RALYL: variants seen among roughly 807,000 people sequenced by gnomAD.
RALYL encodes the protein RALY RNA binding protein like, also known as RNA-binding Raly-like protein.
A neutral mutation model predicts 35.1 loss-of-function variants in RALYL; 29 were observed. The observed-to-expected ratio is 0.83, with a 90% CI of 0.61 to 1.13. The LOEUF (loss-of-function observed/expected upper bound fraction) is 1.13. Among genes scored for constraint, RALYL ranks in the 50% most tolerant of loss-of-function variants. The probability of loss-of-function intolerance (pLI) is 0.00; values close to 1 mark genes in which losing one functional copy is unlikely to be tolerated. For synonymous variants in RALYL, 120 were observed against 127.6 expected (o/e 0.94, Z 0.40); for missense variants, 359 against 360.4 (o/e 1.00, Z 0.03).
At chr8:84,363,620 G>C (rs1246114365) in intron 1 of RALYL, among the ~76,000 whole-genome samples, 1 of 152,156 alleles carries the variant, frequency 6.6e-6, no homozygotes, top group Non-Finnish European at 1.5e-5. Context: ...ATTCTTATAA[G>C]GGAGCATTGG....
At chr8:84,616,829 C>T (rs1819822980) in intron 2 of RALYL, among the ~76,000 whole-genome samples, 1 of 151,820 alleles carries the variant, frequency 6.6e-6, no homozygotes, top group Non-Finnish European at 1.5e-5. Context: ...GTTTTCCCAG[C>T]ACCATTTATT....
At chr8:84,523,878 T>G (rs896100201) in intron 1 of RALYL, among the ~76,000 whole-genome samples, 497 of 150,848 alleles carry the variant, frequency 3.3e-3, no homozygotes, top group African/African-American at 7.6e-3. Flanking sequence ...GTATTCCATG[T>G]TGTATATGTG....
chr8:84,916,782 A>T (rs1210402911), intron 8 of RALYL, among the ~76,000 whole-genome samples: 2 of 152,124 alleles, frequency 1.3e-5, no homozygotes, highest in African/African-American at 4.8e-5. Flanking sequence ...ATTATAATTT[A>T]TGTTAGTATA....
intron 1 of RALYL, among the ~76,000 whole-genome samples, chr8:84,210,103 A>G (rs1325855984): frequency 6.6e-6 from 1 of 152,128 alleles, no homozygotes; most frequent in East Asian, 1.9e-4. Context: ...TTGACAGTAC[A>G]CAGCTCAAGG....
At chr8:84,556,086 G>A (rs928546612) in intron 2 of RALYL, among the ~76,000 whole-genome samples, 2 of 152,170 alleles carry the variant, frequency 1.3e-5, no homozygotes, top group Non-Finnish European at 2.9e-5. Context: ...CAGGAACAGT[G>A]TGACAAATGA....
At chr8:84,306,195 C>T (rs1841765079) in intron 1 of RALYL, among the ~76,000 whole-genome samples, 1 of 151,136 alleles carries the variant, frequency 6.6e-6, no homozygotes, top group Non-Finnish European at 1.5e-5. Context: ...CCACCTCTTT[C>T]AGTGGCAAAG....
intron 2 of RALYL, among the ~76,000 whole-genome samples, chr8:84,727,561 C>T (rs967338040): frequency 2.0e-5 from 3 of 151,572 alleles, no homozygotes; most frequent in East Asian, 2.0e-4. Flanking sequence ...CATGCTGGTG[C>T]GCTGCACCCA....
intron 2 of RALYL, among the ~76,000 whole-genome samples, chr8:84,735,452 G>T (rs1847079232): frequency 6.6e-6 from 1 of 151,898 alleles, no homozygotes; most frequent in Admixed American, 6.6e-5. Context: ...AAACCACAGA[G>T]AGCCAAATTT....
intron 1 of RALYL, among the ~76,000 whole-genome samples, chr8:84,419,377 C>T (rs1203978919): frequency 6.6e-6 from 1 of 152,010 alleles, no homozygotes; most frequent in Non-Finnish European, 1.5e-5. Flanking sequence ...TCCTTTGTTT[C>T]CTTTGTTCTG....
At chr8:84,541,966 G>C (rs911861514) in intron 2 of RALYL, among the ~76,000 whole-genome samples, 11 of 152,020 alleles carry the variant, frequency 7.2e-5, no homozygotes, top group African/African-American at 2.4e-4. Flanking sequence ...TTCTTGCAAG[G>C]AACATAGAAT....
At chr8:84,213,351 A>G (rs1394496526) in intron 1 of RALYL, among the ~76,000 whole-genome samples, 1 of 152,132 alleles carries the variant, frequency 6.6e-6, no homozygotes, top group African/African-American at 2.4e-5. Flanking sequence ...AGATCCCTCA[A>G]CGCCATTGCA....
intron 1 of RALYL, among the ~76,000 whole-genome samples, chr8:84,497,843 A>G (rs1037120987): frequency 2.0e-5 from 3 of 151,554 alleles, no homozygotes; most frequent in African/African-American, 7.3e-5. Flanking sequence ...GGGTTTCACC[A>G]TGTTAGACAG....
chr8:84,613,370 A>C (rs893902477), intron 2 of RALYL, among the ~76,000 whole-genome samples: 15 of 151,674 alleles, frequency 9.9e-5, no homozygotes, highest in Admixed American at 8.5e-4. Context: ...ATAATCACAA[A>C]ATTTGGGCAG....
chr8:84,542,201 C>T (rs1463724753), intron 2 of RALYL, among the ~76,000 whole-genome samples: 3 of 152,034 alleles, frequency 2.0e-5, no homozygotes. Flanking sequence ...GTATACATCT[C>T]AGCTTATACC....
At chr8:84,403,635 C>A (rs2043172039) in intron 1 of RALYL, among the ~76,000 whole-genome samples, 1 of 131,080 alleles carries the variant, frequency 7.6e-6, no homozygotes, top group Non-Finnish European at 1.6e-5. Flanking sequence ...CAGCTTTGTT[C>A]TTTTTGCTTA....
intron 3 of RALYL, among the ~76,000 whole-genome samples, chr8:84,795,686 A>T (rs2133904405): frequency 6.6e-6 from 1 of 152,066 alleles, no homozygotes; most frequent in African/African-American, 2.4e-5. Flanking sequence ...AATGCTTTTC[A>T]TTTTTCTTCT....
intron 3 of RALYL, among the ~76,000 whole-genome samples, chr8:84,785,633 A>AAAC (rs1229311907): frequency 6.6e-6 from 1 of 152,222 alleles, no homozygotes; most frequent in African/African-American, 2.4e-5. Context: ...ATATTTTTAA[A>AAAC]AACATTTTTA....
intron 1 of RALYL, among the ~76,000 whole-genome samples, chr8:84,240,303 T>C (rs1827580539): frequency 1.3e-5 from 2 of 152,214 alleles, no homozygotes; most frequent in South Asian, 4.1e-4. Context: ...AAAATTCTCT[T>C]TAGCTTTGAT....
At chr8:84,735,809 C>T (rs1475528342) in intron 2 of RALYL, among the ~76,000 whole-genome samples, 2 of 119,046 alleles carry the variant, frequency 1.7e-5, no homozygotes, top group East Asian at 4.5e-4. Context: ...TCATCCAAAC[C>T]GCGAGAGAGA....
Sources: gnomAD v4.1 joint callset for allele counts (sites outside exome capture counted in the v4.1 genomes callset) on GRCh38, gnomAD v4.1.1 for gene constraint, MANE v1.5 for transcripts, NCBI Gene and HGNC (gene_info 2026-07-23, HGNC 2026-07-21) for gene names.